MOXD1: variants seen among roughly 807,000 people sequenced by gnomAD.
MOXD1 encodes monooxygenase DBH like 1.
MOXD1 carries 62 observed loss-of-function variants against 66.6 expected under a neutral mutation model. The ratio of observed to expected loss-of-function variants is 0.93; its 90% CI spans 0.76 to 1.15. The LOEUF (loss-of-function observed/expected upper bound fraction) is 1.15. MOXD1 is among the 50% of genes most tolerant of loss of function. The pLI, the probability that MOXD1 is intolerant of heterozygous loss-of-function variation, is 0.00. For missense variants in MOXD1, 847 were observed against 754.6 expected, an observed-to-expected ratio of 1.12 and a Z score of -1.44; for synonymous variants, 303 against 281.9, an observed-to-expected ratio of 1.07 and a Z score of -0.75.
At chr6:132,309,283 G>A (rs1013424324) in intron 10 of MOXD1, among the ~76,000 whole-genome samples, 6 of 151,964 alleles carry the variant, frequency 3.9e-5, no homozygotes, top group Non-Finnish European at 5.9e-5. Flanking sequence ...GCTACAAAGA[G>A]AATAAAATAC....
At chr6:132,312,041 C>G (rs967500159) in intron 10 of MOXD1, among the ~76,000 whole-genome samples, 8 of 151,874 alleles carry the variant, frequency 5.3e-5, no homozygotes, top group Non-Finnish European at 1.2e-4. Flanking sequence ...CATATTCAGT[C>G]TTGATTTATG....
chr6:132,340,072 G>A (rs996891100), intron 4 of MOXD1, among the ~76,000 whole-genome samples: 3 of 152,034 alleles, frequency 2.0e-5, no homozygotes, highest in Non-Finnish European at 4.4e-5. Flanking sequence ...GTTTCACCGT[G>A]TTGGCCAGGC....
intron 1 of MOXD1, chr6:132,392,396 A>G (rs913324748): frequency 4.1e-6 from 6 of 1,476,636 alleles, no homozygotes; most frequent in Non-Finnish European, 9.0e-7. Context: ...TTCAACAGGC[A>G]TATTCAACAA....
chr6:132,324,441 T>C (rs1775145314), intron 6 of MOXD1, among the ~76,000 whole-genome samples: 1 of 152,210 alleles, frequency 6.6e-6, no homozygotes, highest in South Asian at 2.1e-4. Context: ...CATTAGAATA[T>C]AGAATAAATA....
intron 1 of MOXD1, among the ~76,000 whole-genome samples, chr6:132,395,672 G>A (rs1776855572): frequency 6.6e-6 from 1 of 152,122 alleles, no homozygotes; most frequent in African/African-American, 2.4e-5. Flanking sequence ...TGAAATTAAA[G>A]GATGGGAAAA....
chr6:132,375,964 G>A (rs994620564), intron 1 of MOXD1, among the ~76,000 whole-genome samples: 5 of 152,164 alleles, frequency 3.3e-5, no homozygotes, highest in African/African-American at 1.2e-4. Context: ...TACATGGTTA[G>A]CGCCCATTCG....
chr6:132,301,839 A>G (rs560444964), intron 10 of MOXD1, among the ~76,000 whole-genome samples: 1 of 152,288 alleles, frequency 6.6e-6, no homozygotes, highest in African/African-American at 2.4e-5. Flanking sequence ...ATTGGAAAAT[A>G]GCACAGAACT....
In MOXD1 at chr6:132,374,655, A is replaced by T. The variant is rs769352746; in HGVS notation, c.387T>A (p.Cys129Ter). Residue 129 changes from cysteine (C) to a stop codon, truncating the protein, a stop_gained, in exon 2 of 12, where the codon TGT becomes TGA. Transcript: ENST00000367963. LOFTEE classifies it high-confidence loss of function. Reference sequence around the variant, plus strand: ...CCGTTATACTCTTGTCATTTATGTCACATGTATGCAGCTCTCTGGTAAATT... The same window carrying T: ...CCGTTATACTCTTGTCATTTATGTCTCATGTATGCAGCTCTCTGGTAAATT... ...IIEFTRELHT[C>*]DINDKSITDS... The T allele has an allele frequency of 1.9e-6, 3 of 1,613,886 alleles. 1 individual carries two copies. Among genetic ancestry groups the T allele is most frequent in the South Asian group, 1.1e-5 (1 of 91,072 alleles).
Position 132,297,961 on chromosome 6 carries a change from T to C in MOXD1, c.1509-6A>G. The stretch of plus-strand genomic sequence containing the variant: ...TGATAATGAAAGGCCAGGTCCTGAA[T>C]TTAAAAGACACAGTTAGTCATATTC... On this transcript the variant is annotated splice_polypyrimidine_tract_variant and splice_region_variant and intron_variant, in intron 10 of 11. Transcript: ENST00000367963. 6.2e-7 allele frequency: 1 copy of C among 1,602,694 alleles called. No individual in the cohort carries two copies. Among genetic ancestry groups the C allele is most frequent in the Non-Finnish European group, 8.5e-7 (1 of 1,176,270 alleles).
intron 4 of MOXD1, among the ~76,000 whole-genome samples, chr6:132,337,417 G>A (rs17637818): frequency 0.25 from 37,769 of 152,022 alleles, 5,099 homozygotes; most frequent in African/African-American, 0.35. Context: ...TTGGACCTGC[G>A]TAAGTTAAAA....
intron 4 of MOXD1, among the ~76,000 whole-genome samples, chr6:132,355,489 G>A (rs971752185): frequency 2.6e-5 from 4 of 152,160 alleles, no homozygotes; most frequent in Non-Finnish European, 4.4e-5. Context: ...GCAATGGCGT[G>A]CTAATCCCAA....
chr6:132,308,109 AATAG>A (rs1269942838), intron 10 of MOXD1, among the ~76,000 whole-genome samples: 5 of 152,114 alleles, frequency 3.3e-5, no homozygotes, highest in African/African-American at 9.7e-5. Context: ...AAAATAACAA[AATAG>A]ATAGATCACT....
At chr6:132,329,406 A>G (rs1775268430) in intron 4 of MOXD1, among the ~76,000 whole-genome samples, 1 of 152,116 alleles carries the variant, frequency 6.6e-6, no homozygotes, top group Non-Finnish European at 1.5e-5. Context: ...AGTCTTTGCT[A>G]TTGTGAACAG....
At chr6:132,346,583 C>A (rs1419257905) in intron 4 of MOXD1, among the ~76,000 whole-genome samples, 1 of 152,118 alleles carries the variant, frequency 6.6e-6, no homozygotes, top group African/African-American at 2.4e-5. Flanking sequence ...ATTCACTGGC[C>A]TTTTAAATGC....
intron 4 of MOXD1, among the ~76,000 whole-genome samples, chr6:132,343,677 T>C (rs1334982345): frequency 6.6e-6 from 1 of 152,100 alleles, no homozygotes; most frequent in African/African-American, 2.4e-5. Context: ...AAAACAACAA[T>C]GACATACCTA....
At chr6:132,381,802 A>C (rs1776518457) in intron 1 of MOXD1, among the ~76,000 whole-genome samples, 1 of 152,182 alleles carries the variant, frequency 6.6e-6, no homozygotes, top group Non-Finnish European at 1.5e-5. Flanking sequence ...AGGTAAAGTC[A>C]CTTAGAAGTT....
At position 132,394,521 on chromosome 6, in the gene MOXD1, A is replaced by G. The variant is rs556746611; in HGVS notation, c.264+6642T>C. On this transcript the variant is annotated intron_variant, in intron 1 of 11. Transcript: ENST00000367963. ...AGAATTCAAAATATTGATTTTAAAG[A>G]AGCTCAGTAAGACACAACAGAATAC... 8.3e-4 allele frequency among the ~76,000 whole-genome samples: 126 copies of G among 152,334 alleles called. 1 individual carries two copies. The highest frequency in any genetic ancestry group is 1.5e-3 in the Non-Finnish European group (103 of 68,028).
At chr6:132,311,701 C>A (rs1774835155) in intron 10 of MOXD1, among the ~76,000 whole-genome samples, 1 of 148,986 alleles carries the variant, frequency 6.7e-6, no homozygotes, top group African/African-American at 2.5e-5. Flanking sequence ...AATGGTTTTT[C>A]AAAAATAGTG....
chr6:132,298,658 GA>G (rs998335263), intron 10 of MOXD1, among the ~76,000 whole-genome samples: 3 of 151,630 alleles, frequency 2.0e-5, no homozygotes, highest in African/African-American at 7.3e-5. Flanking sequence ...CAAAAAACAT[GA>G]AAAAATGCTC....
Sources: gnomAD v4.1 joint callset for allele counts (sites outside exome capture counted in the v4.1 genomes callset) on GRCh38, gnomAD v4.1.1 for gene constraint, MANE v1.5 for transcripts, NCBI Gene and HGNC (gene_info 2026-07-23, HGNC 2026-07-21) for gene names.